Variants in BMAL1 observed in about 807,000 individuals in gnomAD.
The protein encoded by BMAL1 is basic helix-loop-helix ARNT-like protein 1.
At chr11:13,312,982 A>C in the BMAL1 span, among the ~76,000 whole-genome samples, 15 of 152,314 alleles carry the variant, frequency 9.8e-5, no homozygotes, top group African/African-American at 3.4e-4. Context: ...ACCGGGGTGG[A>C]GAGGGAAGGG....
At chr11:13,311,770 G>T in the BMAL1 span, among the ~76,000 whole-genome samples, 1 of 152,140 alleles carries the variant, frequency 6.6e-6, no homozygotes, top group Non-Finnish European at 1.5e-5. Flanking sequence ...CCCTTTTGAG[G>T]TGTGGTGTTC....
chr11:13,304,005 GAGA>G, the BMAL1 span, among the ~76,000 whole-genome samples: 1 of 152,282 alleles, frequency 6.6e-6, no homozygotes, highest in East Asian at 1.9e-4. Flanking sequence ...GTGGGGAGGA[GAGA>G]AGGAGAGTGG....
the BMAL1 span, among the ~76,000 whole-genome samples, chr11:13,345,468 C>A: frequency 6.6e-6 from 1 of 152,224 alleles, no homozygotes; most frequent in Non-Finnish European, 1.5e-5. Context: ...GTTCCTGTAG[C>A]TTTCCTGACC....
the BMAL1 span, among the ~76,000 whole-genome samples, chr11:13,366,948 T>C: frequency 3.3e-5 from 5 of 152,356 alleles, no homozygotes; most frequent in Non-Finnish European, 7.3e-5. Flanking sequence ...GAATTATTTA[T>C]GTTCTTTGGT....
the BMAL1 span, among the ~76,000 whole-genome samples, chr11:13,357,455 C>G: frequency 6.6e-6 from 1 of 152,228 alleles, no homozygotes; most frequent in Non-Finnish European, 1.5e-5. The surrounding 1 kb of genome is among the most constrained non-coding windows in gnomAD (Gnocchi z 4.8). Flanking sequence ...CTGGGACTTG[C>G]CTCTGTCAGG....
At chr11:13,372,409 G>GGT in the BMAL1 span, 1 of 1,614,134 alleles carries the variant, frequency 6.2e-7, no homozygotes, top group Non-Finnish European at 8.5e-7. Context: ...GTAGACCAGA[G>GGT]GTAAGAGTCT....
chr11:13,324,956 C>T, the BMAL1 span, among the ~76,000 whole-genome samples: 1 of 152,170 alleles, frequency 6.6e-6, no homozygotes, highest in African/African-American at 2.4e-5. Context: ...AGCAGAATTA[C>T]TTTAGCGGCT....
chr11:13,279,118 C>T, the BMAL1 span, among the ~76,000 whole-genome samples: 1 of 152,256 alleles, frequency 6.6e-6, no homozygotes, highest in Non-Finnish European at 1.5e-5. Flanking sequence ...GGCCCCTTCC[C>T]GGTCACCTAG....
the BMAL1 span, among the ~76,000 whole-genome samples, chr11:13,318,536 GA>G: frequency 6.6e-5 from 7 of 106,602 alleles, no homozygotes; most frequent in Non-Finnish European, 1.2e-4. Flanking sequence ...AAAAATAAAA[GA>G]CACTTAGTTT....
the BMAL1 span, among the ~76,000 whole-genome samples, chr11:13,349,198 A>G: frequency 1.3e-5 from 2 of 152,224 alleles, no homozygotes; most frequent in Admixed American, 6.5e-5. Flanking sequence ...GGTGCACTTG[A>G]GATTCACTGA....
At chr11:13,380,097 C>T in the BMAL1 span, 3 of 152,148 alleles carry the variant, frequency 2.0e-5, no homozygotes, top group Non-Finnish European at 2.9e-5. Context: ...AATGATGAAA[C>T]AGCAATTCCA....
At chr11:13,375,537 A>AT in the BMAL1 span, 2 of 1,283,856 alleles carry the variant, frequency 1.6e-6, no homozygotes, top group South Asian at 3.3e-5. Context: ...TACCTTTAAT[A>AT]TTTTGTATTG....
chr11:13,372,523 GA>G, the BMAL1 span: 14 of 1,492,662 alleles, frequency 9.4e-6, no homozygotes, highest in Non-Finnish European at 1.3e-5. Context: ...AAGAAAGAAA[GA>G]AAAAGCTGGG....
At chr11:13,284,172 A>G in the BMAL1 span, among the ~76,000 whole-genome samples, 13 of 37,018 alleles carry the variant, frequency 3.5e-4, 1 homozygote, top group Non-Finnish European at 6.7e-4. Context: ...GTGTATATAT[A>G]TATATGTGTA....
the BMAL1 span, chr11:13,378,213 C>T: frequency 3.0e-6 from 4 of 1,326,092 alleles, no homozygotes; most frequent in Non-Finnish European, 4.0e-6. Flanking sequence ...CCTAAAGTCC[C>T]TCAAGGCACA....
the BMAL1 span, chr11:13,356,690 T>C: frequency 6.2e-7 from 1 of 1,608,258 alleles, no homozygotes; most frequent in Non-Finnish European, 8.5e-7. Context: ...AAGAAGCTCT[T>C]CTGTATGTCT....
chr11:13,295,708 A>G, the BMAL1 span, among the ~76,000 whole-genome samples: 1 of 152,180 alleles, frequency 6.6e-6, no homozygotes, highest in African/African-American at 2.4e-5. Flanking sequence ...TTTAAAGAAC[A>G]CGGAGCAAAT....
chr11:13,292,439 C>T, the BMAL1 span, among the ~76,000 whole-genome samples: 2 of 151,094 alleles, frequency 1.3e-5, no homozygotes, highest in South Asian at 2.1e-4. Flanking sequence ...CCCAGCTCCT[C>T]GGGAGGCTGA....
At chr11:13,324,024 A>G in the BMAL1 span, among the ~76,000 whole-genome samples, 76 of 152,222 alleles carry the variant, frequency 5.0e-4, no homozygotes, top group Non-Finnish European at 2.9e-4. Context: ...TAATTAACAT[A>G]TCTGTCATTT....
Sources: gnomAD v4.1 joint callset for allele counts (sites outside exome capture counted in the v4.1 genomes callset) on GRCh38, gnomAD v4.1.1 for gene constraint, Gnocchi (gnomAD v3.1) non-coding constraint, MANE v1.5 for transcripts, NCBI Gene and HGNC (gene_info 2026-07-23, HGNC 2026-07-21) for gene names.